NBPF8: variants seen among roughly 807,000 people sequenced by gnomAD.
The protein encoded by NBPF8 is NBPF family member NBPF8.
At chr1:120,449,946 G>A (rs1427748006) in intron 11 of NBPF8, among the ~76,000 whole-genome samples, 28 of 152,226 alleles carry the variant, frequency 1.8e-4, no homozygotes, top group Non-Finnish European at 3.8e-4. Flanking sequence ...CAGGGAGTAG[G>A]GGCCGTGCAT....
intron 1 of NBPF8, among the ~76,000 whole-genome samples, chr1:120,425,675 CACCTAATG>C (rs1660708956): frequency 6.6e-6 from 1 of 151,490 alleles, no homozygotes; most frequent in Non-Finnish European, 1.5e-5. Flanking sequence ...TCTCTCCTTC[CACCTAATG>C]AGAAACGCCC....
chr1:120,418,497 G>A (rs1553245589), upstream of NBPF8, among the ~76,000 whole-genome samples: 3 of 149,966 alleles, frequency 2.0e-5, no homozygotes, highest in East Asian at 3.9e-4. Flanking sequence ...AAGGGCCGAC[G>A]TGATATGATG....
In NBPF8 at chr1:120,452,058, A is replaced by G. The variant is rs1661290279; in HGVS notation, n.2075-59A>G. On this transcript the variant is annotated intron_variant and non_coding_transcript_variant, in intron 12 of 24. Coordinates refer to ENST00000583271, the Ensembl canonical transcript of NBPF8. ...TTGTCTCAGAAGTCTCTGTTGCAAT[A>G]TTTGAGCGGATCACTCAACCCTTTC... The G allele has an allele frequency of 7.1e-6, 10 of 1,415,480 alleles. No homozygotes were observed. The East Asian group carries it at 1.1e-4, about 16-fold the overall frequency. The allele number at this position is 1,415,480 out of a possible 1,614,324, so 87.7% of individuals were successfully genotyped here.
chr1:120,456,568 A>G (rs1661442273), intron 16 of NBPF8, among the ~76,000 whole-genome samples: 2 of 123,066 alleles, frequency 1.6e-5, no homozygotes, highest in Admixed American at 1.5e-4. Flanking sequence ...CTGTTTTATC[A>G]GAGACTAGGA....
At chr1:120,466,112 T>A in exon 25 of NBPF8, 1 of 1,611,176 alleles carries the variant, frequency 6.2e-7, no homozygotes, top group Non-Finnish European at 8.5e-7. Context: ...TTTTACTCAT[T>A]TGAGGAACAG....
chr1:120,425,197 T>A (rs1660686720), intron 1 of NBPF8, among the ~76,000 whole-genome samples: 1 of 151,604 alleles, frequency 6.6e-6, no homozygotes, highest in East Asian at 2.0e-4. Context: ...GGAGGATTAG[T>A]AAAAGAGGAA....
chr1:120,468,676 C>T (rs1471376153), downstream of NBPF8, among the ~76,000 whole-genome samples: 4 of 147,020 alleles, frequency 2.7e-5, no homozygotes, highest in Non-Finnish European at 4.5e-5. Flanking sequence ...AAGATTGGCA[C>T]CTCTGGTCCT....
chr1:120,468,796 G>A (rs1217898173), downstream of NBPF8, among the ~76,000 whole-genome samples: 11,293 of 140,366 alleles, frequency 0.08, no homozygotes, highest in African/African-American at 0.2. Context: ...GGATAGTTTT[G>A]CCTGGGTTCT....
chr1:120,428,440 G>A (rs1295869801), intron 3 of NBPF8, among the ~76,000 whole-genome samples: 1 of 152,070 alleles, frequency 6.6e-6, no homozygotes, highest in Non-Finnish European at 1.5e-5. Flanking sequence ...AGGGGAGATA[G>A]TGGAAGAGAA....
chr1:120,460,685 G>C (rs1422771718), intron 18 of NBPF8, 61 bp downstream of exon 16: 1 of 851,616 alleles, frequency 1.2e-6, no homozygotes, highest in Non-Finnish European at 2.0e-6. Flanking sequence ...GCCAAGTCCA[G>C]GGAAAACAGT....
At chr1:120,467,933 ATTC>A (rs1338827901), downstream of NBPF8, among the ~76,000 whole-genome samples, 1 of 150,500 alleles carries the variant, frequency 6.6e-6, no homozygotes, top group Non-Finnish European at 1.5e-5. Context: ...AGTCATTTGT[ATTC>A]TTCGTGAGTG....
chr1:120,429,750 AGGGGAGATTGGATCCCTT>A (rs1660824222), intron 3 of NBPF8, among the ~76,000 whole-genome samples: 1 of 145,600 alleles, frequency 6.9e-6, no homozygotes, highest in African/African-American at 2.6e-5. Flanking sequence ...TTCTTGACTG[AGGGGAGATTGGATCCCTT>A]GGGGAAGAGT....
At chr1:120,460,300 G>GA (rs1199463808) in intron 17 of NBPF8, among the ~76,000 whole-genome samples, 5 of 152,192 alleles carry the variant, frequency 3.3e-5, no homozygotes, top group Non-Finnish European at 4.4e-5. Flanking sequence ...ATTTATTGGG[G>GA]AAAAAATTGC....
At chr1:120,453,991 C>G in exon 15 of NBPF8, 2 of 1,611,326 alleles carry the variant, frequency 1.2e-6, no homozygotes, top group South Asian at 2.2e-5. Context: ...TAGCCATGGC[C>G]CTTATGACTC....
chr1:120,416,661 C>A (rs1300491705), upstream of NBPF8, among the ~76,000 whole-genome samples: 3 of 135,598 alleles, frequency 2.2e-5, no homozygotes, highest in Admixed American at 7.4e-5. Flanking sequence ...CCAAGTGAAC[C>A]ACCACAGATC....
chr1:120,415,717 G>T (rs1660417173), upstream of NBPF8, among the ~76,000 whole-genome samples: 1 of 152,156 alleles, frequency 6.6e-6, no homozygotes, highest in Non-Finnish European at 1.5e-5. Flanking sequence ...TGCTCCTGGC[G>T]GTTTCTCCAG....
exon 1 of NBPF8, chr1:120,436,558 G>C (rs1661087791): frequency 6.6e-7 from 1 of 1,511,472 alleles, no homozygotes. Flanking sequence ...CCAGCGAGAA[G>C]GCAGAGATGA....
chr1:120,450,417 C>G (rs1222504165), intron 11 of NBPF8, among the ~76,000 whole-genome samples: 1 of 151,818 alleles, frequency 6.6e-6, no homozygotes, highest in Non-Finnish European at 1.5e-5. Flanking sequence ...TGGGATCCAT[C>G]CAAGTTGCTT....
chr1:120,452,449 G>C, intron 13 of NBPF8, 118 bp downstream of exon 11: 1 of 662,856 alleles, frequency 1.5e-6, no homozygotes, highest in Non-Finnish European at 2.7e-6. Context: ...AGCTTATGTG[G>C]CCATGACATG....
Sources: allele counts gnomAD v4.1 joint callset (sites outside exome capture counted in the v4.1 genomes callset), GRCh38; gene constraint gnomAD v4.1.1; transcripts MANE v1.5; gene names NCBI Gene and HGNC (gene_info 2026-07-23, HGNC 2026-07-21).